Variants in SEPTIN7 observed in about 807,000 individuals in gnomAD.
SEPTIN7 encodes septin-7.
Under a neutral mutation model 63.3 loss-of-function variants are expected in SEPTIN7, and 10 were observed. That is an observed-to-expected ratio of 0.16 (90% confidence interval 0.10 to 0.27). The LOEUF (loss-of-function observed/expected upper bound fraction) is 0.27, where lower values mean the gene tolerates loss of function less well. Among genes scored for constraint, SEPTIN7 ranks in the 10% least tolerant of loss-of-function variants. The pLI, the probability that SEPTIN7 is intolerant of heterozygous loss-of-function variation, is 1.00. For missense variants in SEPTIN7, 310 were observed against 521.0 expected (o/e 0.59, Z 3.94); for synonymous variants, 131 against 165.3 (o/e 0.79, Z 1.59).
At chr7:35,875,751 A>G (rs1786434289) in intron 6 of SEPTIN7, among the ~76,000 whole-genome samples, 1 of 152,158 alleles carries the variant, frequency 6.6e-6, no homozygotes, top group South Asian at 2.1e-4. Flanking sequence ...TGAGTTTTAT[A>G]CAGAAGGATT....
the SEPTIN7 span, among the ~76,000 whole-genome samples, chr7:35,915,161 A>AT: frequency 2.0e-5 from 3 of 152,106 alleles, no homozygotes; most frequent in Non-Finnish European, 4.4e-5. Context: ...ACATGTGTAC[A>AT]TATATATACA....
chr7:35,816,518 T>C (rs1705187104), intron 1 of SEPTIN7, among the ~76,000 whole-genome samples: 1 of 152,208 alleles, frequency 6.6e-6, no homozygotes, highest in African/African-American at 2.4e-5. Flanking sequence ...CTATTATGGA[T>C]AATGCTGCTG....
intron 7 of SEPTIN7, among the ~76,000 whole-genome samples, chr7:35,881,821 T>G (rs568848746): frequency 2.0e-5 from 3 of 152,134 alleles, no homozygotes; most frequent in African/African-American, 7.2e-5. Flanking sequence ...TAATTTAATT[T>G]GAACTAGGTC....
chr7:35,868,025 A>G (rs1785924816), intron 4 of SEPTIN7, among the ~76,000 whole-genome samples: 3 of 151,560 alleles, frequency 2.0e-5, no homozygotes, highest in Admixed American at 6.6e-5. Context: ...GGCGCGTACT[A>G]CACCTGGCTA....
chr7:35,847,686 A>G (rs934905687), intron 3 of SEPTIN7, among the ~76,000 whole-genome samples: 5 of 152,132 alleles, frequency 3.3e-5, no homozygotes, highest in Non-Finnish European at 5.9e-5. Flanking sequence ...TCATTGTTAT[A>G]TTTCTTGTGA....
chr7:35,875,073 C>G (rs1455266278), intron 6 of SEPTIN7, among the ~76,000 whole-genome samples: 2 of 152,132 alleles, frequency 1.3e-5, no homozygotes, highest in African/African-American at 2.4e-5. Flanking sequence ...CTTCTGGACT[C>G]TCTCCAAGTT....
chr7:35,865,729 A>G (rs1785776326), intron 4 of SEPTIN7, among the ~76,000 whole-genome samples: 1 of 151,902 alleles, frequency 6.6e-6, no homozygotes, highest in South Asian at 2.1e-4. Flanking sequence ...TTTTGATAAT[A>G]TTTTCTGTCA....
rs759637520 is a variant in SEPTIN7 at position 35,817,253 on chromosome 7, T to C, written c.62-14239T>C. On this transcript the variant is annotated intron_variant, in intron 1 of 13. Coordinates refer to ENST00000350320, the MANE Select transcript of SEPTIN7 (RefSeq NM_001788.6). Reference sequence around the variant, plus strand: ...GTGTATGGCGTGAGATAGGAGTCATTCTTTTGTATGTGGCTATCCAGTAGT... The same window carrying C: ...GTGTATGGCGTGAGATAGGAGTCATCCTTTTGTATGTGGCTATCCAGTAGT... Among the ~76,000 whole-genome samples the C allele has an allele frequency of 4.6e-5, 7 of 152,180 alleles. No homozygotes were observed. In the South Asian group the frequency reaches 6.2e-4, roughly 14 times the overall value.
chr7:35,881,095 C>T (rs1305153816), intron 7 of SEPTIN7, among the ~76,000 whole-genome samples: 1 of 151,626 alleles, frequency 6.6e-6, no homozygotes, highest in Non-Finnish European at 1.5e-5. Flanking sequence ...TTTCAGAATA[C>T]CTTGAAACCT....
chr7:35,882,876 G>T (rs117884077), intron 8 of SEPTIN7, among the ~76,000 whole-genome samples: 7,969 of 152,032 alleles, frequency 0.052, 301 homozygotes, highest in Non-Finnish European at 0.076. Flanking sequence ...AGAAAGGAGA[G>T]AATTCGTTCT....
chr7:35,835,528 A>G (rs767271765), intron 3 of SEPTIN7, among the ~76,000 whole-genome samples: 2 of 152,166 alleles, frequency 1.3e-5, no homozygotes, highest in African/African-American at 4.8e-5. Flanking sequence ...AACCAAACCC[A>G]GTCTACTGCT....
At chr7:35,898,515 C>A in intron 12 of SEPTIN7, 132 bp downstream of exon 12, 2 of 559,146 alleles carry the variant, frequency 3.6e-6, no homozygotes, top group South Asian at 3.6e-5. Flanking sequence ...TGTAACAAAA[C>A]GGATAAATTT....
intron 1 of SEPTIN7, among the ~76,000 whole-genome samples, chr7:35,816,820 T>C (rs1302999615): frequency 6.6e-6 from 1 of 152,178 alleles, no homozygotes; most frequent in Non-Finnish European, 1.5e-5. Context: ...CCTAATGATG[T>C]TGAACATCTT....
chr7:35,817,100 CT>C (rs1304602078), intron 1 of SEPTIN7, among the ~76,000 whole-genome samples: 1 of 151,236 alleles, frequency 6.6e-6, no homozygotes, highest in East Asian at 1.9e-4. Context: ...ATTGCATGTG[CT>C]TTTGATGTCA....
At chr7:35,841,088 G>T (rs967800460) in intron 3 of SEPTIN7, among the ~76,000 whole-genome samples, 18 of 152,128 alleles carry the variant, frequency 1.2e-4, no homozygotes, top group African/African-American at 4.3e-4. Flanking sequence ...AGATGTAGCG[G>T]TGTGCACCTG....
At chr7:35,902,854 C>A in intron 12 of SEPTIN7, 3 of 463,252 alleles carry the variant, frequency 6.5e-6, no homozygotes, top group Non-Finnish European at 6.8e-6. Context: ...TTTTTTTTTT[C>A]CTGTTTCCCA....
At chr7:35,814,582 A>G (rs1178306486) in intron 1 of SEPTIN7, among the ~76,000 whole-genome samples, 3 of 152,070 alleles carry the variant, frequency 2.0e-5, no homozygotes, top group African/African-American at 4.8e-5. Flanking sequence ...TATCTTGTCA[A>G]TGATTCTTGC....
At chr7:35,876,466 T>C (rs1441736842) in intron 6 of SEPTIN7, among the ~76,000 whole-genome samples, 1 of 152,218 alleles carries the variant, frequency 6.6e-6, no homozygotes, top group African/African-American at 2.4e-5. Flanking sequence ...TGAGATTGAA[T>C]ATTTCATGGC....
chr7:35,856,176 CAG>C (rs142610164), intron 3 of SEPTIN7, among the ~76,000 whole-genome samples: 244 of 152,256 alleles, frequency 1.6e-3, no homozygotes, highest in African/African-American at 5.7e-3. Flanking sequence ...TGTAAGAAAA[CAG>C]AAAATGCAAG....
Sources: gnomAD v4.1 joint callset for allele counts (sites outside exome capture counted in the v4.1 genomes callset) on GRCh38, gnomAD v4.1.1 for gene constraint, MANE v1.5 for transcripts, NCBI Gene and HGNC (gene_info 2026-07-23, HGNC 2026-07-21) for gene names.